Variants in SLC23A2 observed in about 807,000 individuals in gnomAD.
SLC23A2 encodes the protein Na(+)/L-ascorbic acid transporter 2.
In SLC23A2, 36 loss-of-function variants were observed where a neutral mutation model predicts 73.3. That is an observed-to-expected ratio of 0.49 (90% CI 0.38 to 0.65). SLC23A2 has a LOEUF of 0.65. SLC23A2 is among the 30% of genes least tolerant of loss of function. SLC23A2 has a pLI of 0.00. For synonymous variants in SLC23A2, 343 were observed against 327.3 expected (o/e 1.05, Z -0.52); for missense variants, 507 against 841.6 (o/e 0.60, Z 4.92).
At chr20:4,948,144 A>G (rs1053164713) in intron 2 of SLC23A2, among the ~76,000 whole-genome samples, 2 of 152,186 alleles carry the variant, frequency 1.3e-5, no homozygotes, top group African/African-American at 4.8e-5. Flanking sequence ...TGCTGGGAGA[A>G]GCATCTCAAG....
intron 2 of SLC23A2, among the ~76,000 whole-genome samples, chr20:4,950,466 C>T (rs1000678250): frequency 3.3e-5 from 5 of 152,180 alleles, no homozygotes; most frequent in Non-Finnish European, 7.3e-5. Flanking sequence ...TCCAGTTCAA[C>T]GTGGCATCCA....
chr20:4,947,883 C>T lies in SLC23A2; in HGVS notation c.-154-15167G>A, dbSNP rs1428395985. On this transcript the variant is annotated intron_variant, in intron 2 of 16. Coordinates refer to ENST00000338244, the MANE Select transcript of SLC23A2 (RefSeq NM_005116.6). This position sits in a 1 kb window ranked among gnomAD's most constrained non-coding sequence, Gnocchi z 4.4. ...TTTCAGGGAATAGAAAGAATGCTTT[C>T]TTCTCTTCCAGGTCTCCAGATGCCT... Among the ~76,000 whole-genome samples, 1 of 152,198 alleles carries T rather than the reference C, an allele frequency of 6.6e-6. No homozygotes were observed. The highest frequency in any genetic ancestry group is 2.4e-5 in the African/African-American group (1 of 41,460).
At chr20:4,978,652 A>C (rs567272075) in intron 1 of SLC23A2, among the ~76,000 whole-genome samples, 1 of 152,258 alleles carries the variant, frequency 6.6e-6, no homozygotes, top group South Asian at 2.1e-4. Context: ...CAGAACCAGA[A>C]CCCATACTGG....
intron 4 of SLC23A2, 31 bp downstream of exon 4, chr20:4,912,849 G>A: frequency 7.3e-7 from 1 of 1,367,228 alleles, no homozygotes. Context: ...ATGGCGGTGG[G>A]AGTGGGGACA....
At chr20:4,861,040 A>G (rs1031749607) in intron 15 of SLC23A2, among the ~76,000 whole-genome samples, 21 of 152,196 alleles carry the variant, frequency 1.4e-4, no homozygotes, top group African/African-American at 5.1e-4. Context: ...GCAAGACTCC[A>G]TCTCAAAAAA....
chr20:4,990,331 C>A (rs1386814687), intron 1 of SLC23A2, among the ~76,000 whole-genome samples: 1 of 152,012 alleles, frequency 6.6e-6, no homozygotes, highest in Non-Finnish European at 1.5e-5. Flanking sequence ...CCAGCCTGGG[C>A]AACACAGCAA....
rs116034189 is a variant in SLC23A2 at position 4,958,628 on chromosome 20, A to G, written c.-155+12165T>C. Among the ~76,000 whole-genome samples, 1,010 of 152,096 alleles carry G rather than the reference A, an allele frequency of 6.6e-3. 11 individuals are homozygous for G. The highest frequency in any genetic ancestry group is 0.023 in the African/African-American group (967 of 41,518). ...TTTTTGGTAGAGATGAGGTTTCACC[A>G]TGATGCCAAGGTTGGTCTCAAACTC... On this transcript the variant is annotated intron_variant, in intron 2 of 16. Transcript: ENST00000338244.
At chr20:4,976,200 C>T (rs2087642889) in intron 1 of SLC23A2, among the ~76,000 whole-genome samples, 1 of 151,512 alleles carries the variant, frequency 6.6e-6, no homozygotes, top group Admixed American at 6.6e-5. Flanking sequence ...TTTCTTTTTG[C>T]AAGAGTTTCT....
At chr20:4,918,265 AC>A (rs1346967230) in intron 3 of SLC23A2, among the ~76,000 whole-genome samples, 1 of 152,164 alleles carries the variant, frequency 6.6e-6, no homozygotes, top group African/African-American at 2.4e-5. Flanking sequence ...AGATTAGTAT[AC>A]CCCTTTTGGG....
At chr20:4,977,821 G>C (rs2087668037) in intron 1 of SLC23A2, among the ~76,000 whole-genome samples, 1 of 152,048 alleles carries the variant, frequency 6.6e-6, no homozygotes, top group Non-Finnish European at 1.5e-5. Context: ...TTACAGGTAT[G>C]AGCTACCACA....
At chr20:4,885,703 T>C (rs1240791839) in intron 7 of SLC23A2, 118 bp downstream of exon 7, 8 of 732,768 alleles carry the variant, frequency 1.1e-5, no homozygotes, top group Non-Finnish European at 1.7e-5. Flanking sequence ...TGTGGGTTTG[T>C]GTGCTTTGTC....
At chr20:4,978,535 T>C (rs1600195800) in intron 1 of SLC23A2, among the ~76,000 whole-genome samples, 1 of 151,328 alleles carries the variant, frequency 6.6e-6, no homozygotes, top group Non-Finnish European at 1.5e-5. Context: ...ATGAAGGGGG[T>C]GGAAAGAATG....
chr20:4,948,124 C>A (rs772841554), intron 2 of SLC23A2, among the ~76,000 whole-genome samples: 4 of 152,198 alleles, frequency 2.6e-5, no homozygotes, highest in Non-Finnish European at 4.4e-5. Context: ...TGGGAGAAGG[C>A]AGGCTCAGGT....
At chr20:4,888,947 T>A (rs1600102460) in intron 6 of SLC23A2, among the ~76,000 whole-genome samples, 1 of 152,216 alleles carries the variant, frequency 6.6e-6, no homozygotes, top group African/African-American at 2.4e-5. Context: ...TTTTCAACAA[T>A]GCCTTCTAGA....
intron 3 of SLC23A2, among the ~76,000 whole-genome samples, chr20:4,929,776 C>G (rs944452346): frequency 6.6e-6 from 1 of 151,762 alleles, no homozygotes; most frequent in Non-Finnish European, 1.5e-5. Context: ...AATAAGTAAA[C>G]CGGAAAATAC....
chr20:4,940,247 A>G (rs2087019429), intron 2 of SLC23A2, among the ~76,000 whole-genome samples: 1 of 152,130 alleles, frequency 6.6e-6, no homozygotes, highest in African/African-American at 2.4e-5. Flanking sequence ...CCTGGGAGGT[A>G]GAGTTTGCAG....
At position 4,902,381 on chromosome 20, in the gene SLC23A2, C is replaced by G; in HGVS notation, c.324+61G>C. 2.2e-6 allele frequency: 2 copies of G among 919,004 alleles called. No individual in the cohort carries two copies. Among genetic ancestry groups the G allele is most frequent in the Non-Finnish European group, 3.4e-6 (2 of 589,124 alleles). 56.9% of individuals were successfully genotyped at this position (919,004 alleles called of 1,614,324 possible). A position where few individuals can be genotyped will look rare whatever the true frequency, so the allele number is the denominator to read the frequency against. ...ACCAAAGTGGAATTTTTAAACAATT[C>G]CAGATGGTAGACAATGCAAACACCT... On this transcript the variant is annotated intron_variant, in intron 5 of 16. Coordinates refer to ENST00000338244, the MANE Select transcript of SLC23A2 (RefSeq NM_005116.6). The surrounding 1 kb of genome is among the most constrained non-coding windows in gnomAD (Gnocchi z 4.0).
chr20:4,934,622 G>C (rs1401413466), intron 2 of SLC23A2, among the ~76,000 whole-genome samples: 3 of 152,158 alleles, frequency 2.0e-5, no homozygotes, highest in African/African-American at 7.2e-5. Context: ...AGCAGTTTGA[G>C]AGGCTGAGGT....
At chr20:4,951,472 G>A (rs775697502) in intron 2 of SLC23A2, among the ~76,000 whole-genome samples, 2 of 152,108 alleles carry the variant, frequency 1.3e-5, no homozygotes, top group Non-Finnish European at 2.9e-5. Context: ...CAAAGAACAA[G>A]GCCAAGCTGT....
Sources: gnomAD v4.1 joint callset for allele counts (sites outside exome capture counted in the v4.1 genomes callset) on GRCh38, gnomAD v4.1.1 for gene constraint, Gnocchi (gnomAD v3.1) non-coding constraint, MANE v1.5 for transcripts, NCBI Gene and HGNC (gene_info 2026-07-23, HGNC 2026-07-21) for gene names.